UMODL1: variants seen among roughly 807,000 people sequenced by gnomAD.
UMODL1 encodes the protein uromodulin like 1.
A neutral mutation model predicts 136.3 loss-of-function variants in UMODL1; 128 were observed. The observed-to-expected ratio is 0.94, with a 90% CI of 0.81 to 1.09. UMODL1 has a LOEUF of 1.09. Ranked by LOEUF, UMODL1 falls within the 50% of genes least tolerant of loss-of-function variation. The pLI, the probability that UMODL1 is intolerant of heterozygous loss-of-function variation, is 0.00. For missense variants in UMODL1, 1,766 were observed against 1,725.6 expected, an observed-to-expected ratio of 1.02 and a Z score of -0.41; for synonymous variants, 721 against 720.0, an observed-to-expected ratio of 1.00 and a Z score of -0.02.
At chr21:42,078,197 G>C (rs113980983) in intron 2 of UMODL1, among the ~76,000 whole-genome samples, 16 of 107,944 alleles carry the variant, frequency 1.5e-4, no homozygotes, top group East Asian at 7.6e-4. Flanking sequence ...GAAACCAGGC[G>C]GGGCCAGCTG....
At chr21:42,072,176 C>T (rs963040854) in intron 1 of UMODL1, among the ~76,000 whole-genome samples, 2 of 152,242 alleles carry the variant, frequency 1.3e-5, no homozygotes, top group South Asian at 2.1e-4. Context: ...CCAGAGGCTG[C>T]ACCAGGGCTC....
intron 15 of UMODL1, 131 bp from the exon 16 acceptor site, chr21:42,120,956 G>A (rs532915123): frequency 8.4e-7 from 1 of 1,192,430 alleles, no homozygotes; most frequent in South Asian, 1.5e-5. Context: ...GAACTGGTGA[G>A]CTTGACTGCA....
intron 22 of UMODL1, among the ~76,000 whole-genome samples, chr21:42,138,821 C>T (rs956370621): frequency 1.3e-5 from 2 of 152,154 alleles, no homozygotes; most frequent in East Asian, 3.9e-4. Context: ...GTGATCCACC[C>T]GTCTCGGCCT....
intron 13 of UMODL1, 97 bp downstream of exon 13, chr21:42,113,927 C>T (rs1211103725): frequency 6.8e-7 from 1 of 1,462,598 alleles, no homozygotes; most frequent in Non-Finnish European, 9.2e-7. Context: ...TGTTTATGGG[C>T]TGCTAGGTGT....
chr21:42,134,190 A>G (rs746256557), intron 21 of UMODL1, among the ~76,000 whole-genome samples: 3 of 152,236 alleles, frequency 2.0e-5, no homozygotes, highest in Non-Finnish European at 4.4e-5. Context: ...AAGTGTCAAC[A>G]TATCTGTTTT....
At chr21:42,063,064 C>T (rs901978450) in exon 1 of UMODL1, 2 of 152,272 alleles carry the variant, frequency 1.3e-5, no homozygotes, top group African/African-American at 2.4e-5. Flanking sequence ...ATGGATCACT[C>T]CAATCTCCAT....
At chr21:42,111,957 A>G (rs2066837808) in intron 12 of UMODL1, among the ~76,000 whole-genome samples, 1 of 152,126 alleles carries the variant, frequency 6.6e-6, no homozygotes, top group Non-Finnish European at 1.5e-5. Flanking sequence ...CCCTGTCTGC[A>G]GCAGCTGGGG....
Position 42,076,012 on chromosome 21 carries a change from C to T in UMODL1, c.84C>T (p.Gly28=), listed in dbSNP as rs1309408094. 1 of 1,613,606 alleles carries T rather than the reference C, an allele frequency of 6.2e-7. No individual in the cohort carries two copies. The highest frequency in any genetic ancestry group is 1.1e-5 in the South Asian group (1 of 91,082). ...PSQASGFTEK[G]LSLLGYQLCS... ...TTGCTTGGCCTCTTTCAGAAAAAGG[C>T]CTCTCCCTGTTGGGCTACCAGCTAT... Residue 28 remains glycine (G), a synonymous_variant, in exon 2 of 23, where the codon GGC becomes GGT. Transcript: ENST00000408910.
intron 2 of UMODL1, among the ~76,000 whole-genome samples, chr21:42,081,209 C>A (rs1434346972): frequency 6.6e-6 from 1 of 152,158 alleles, no homozygotes; most frequent in Non-Finnish European, 1.5e-5. Flanking sequence ...TGACCAGGGG[C>A]CCTTTGGTGA....
intron 9 of UMODL1, among the ~76,000 whole-genome samples, chr21:42,107,864 GC>G (rs1208525925): frequency 6.6e-6 from 1 of 152,200 alleles, no homozygotes; most frequent in Non-Finnish European, 1.5e-5. Flanking sequence ...TGAAGCAGCT[GC>G]CCCCATTGCT....
At position 42,123,772 on chromosome 21, in the gene UMODL1, C is replaced by T. The variant is rs991182427; in HGVS notation, c.3147+622C>T. On this transcript the variant is annotated intron_variant, in intron 17 of 22. Coordinates refer to ENST00000408910, the MANE Select transcript of UMODL1 (RefSeq NM_001004416.3). This position sits in a 1 kb window ranked among gnomAD's most constrained non-coding sequence, Gnocchi z 4.4. ...TGCGTGAGTTGAGCATGTGTGGATGCGTTTGTCCATGTGTGAGTGTGTATG... is the reference window on the plus strand; with the variant it reads ...TGCGTGAGTTGAGCATGTGTGGATGTGTTTGTCCATGTGTGAGTGTGTATG... Among the ~76,000 whole-genome samples the T allele has an allele frequency of 2.6e-5, 4 of 151,886 alleles. No homozygotes were observed. Among genetic ancestry groups the T allele is most frequent in the African/African-American group, 4.8e-5 (2 of 41,286 alleles).
chr21:42,130,381 A>G (rs1377400181), intron 21 of UMODL1, among the ~76,000 whole-genome samples: 1 of 152,164 alleles, frequency 6.6e-6, no homozygotes, highest in Non-Finnish European at 1.5e-5. Flanking sequence ...CCCCACATCA[A>G]CTTTCCAGAA....
intron 2 of UMODL1, 107 bp from the exon 3 acceptor site, chr21:42,083,977 C>G: frequency 1.4e-6 from 2 of 1,397,826 alleles, no homozygotes; most frequent in East Asian, 4.6e-5. Context: ...AGGCCACAGA[C>G]CTACAGGCAG....
At position 42,094,219 on chromosome 21, in the gene UMODL1, C is replaced by T. The variant is rs1346056230; in HGVS notation, c.931+3781C>T. Reference sequence around the variant, plus strand: ...GGGAGGCTGCGCGGCCCCAGCTTCACTTCTAATAGGGCAGGACACACTAAT... The same window carrying T: ...GGGAGGCTGCGCGGCCCCAGCTTCATTTCTAATAGGGCAGGACACACTAAT... On this transcript the variant is annotated intron_variant, in intron 6 of 22. Coordinates refer to ENST00000408910, the MANE Select transcript of UMODL1 (RefSeq NM_001004416.3). 1.3e-5 allele frequency among the ~76,000 whole-genome samples: 2 copies of T among 152,230 alleles called. 1 individual carries two copies. Among genetic ancestry groups the T allele is most frequent in the Non-Finnish European group, 2.9e-5 (2 of 68,038 alleles).
At chr21:42,075,861 G>A (rs116951179) in intron 1 of UMODL1, 144 bp from the exon 2 acceptor site, 40,343 of 1,195,904 alleles carry the variant, frequency 0.034, 843 homozygotes, top group Middle Eastern at 0.062. Context: ...CAGTGGAGAG[G>A]GCTGGTGGGC....
chr21:42,084,259 G>C lies in UMODL1; in HGVS notation c.481+14G>C. On this transcript the variant is annotated intron_variant, in intron 3 of 22. Transcript: ENST00000408910. Reference sequence around the variant, plus strand: ...CTGCACCCCAAGGTAGGCTGCTGCGGGCCATGCTTATGGACAGGCAGCAAA... The same window carrying C: ...CTGCACCCCAAGGTAGGCTGCTGCGCGCCATGCTTATGGACAGGCAGCAAA... The C allele has an allele frequency of 1.9e-6, 3 of 1,612,560 alleles. No individual in the cohort carries two copies. Among genetic ancestry groups the C allele is most frequent in the Non-Finnish European group, 2.5e-6 (3 of 1,179,658 alleles).
In UMODL1 at chr21:42,111,018, C is replaced by G. The variant is rs763508006; in HGVS notation, c.1796C>G (p.Pro599Arg). 1.8e-5 allele frequency: 29 copies of G among 1,612,706 alleles called. No individual in the cohort carries two copies. Among genetic ancestry groups the G allele is most frequent in the Non-Finnish European group, 2.4e-5 (28 of 1,179,640 alleles). ...AGTCCTGGGTACCCTCAGGGCACCC[C>G]GGCAGCAGGCCAGGCCTGGACCCCA... ...SPSPGYPQGT[P>R]AAGQAWTPEP... is the part of the protein sequence containing the mutation. Residue 599 changes from proline (P) to arginine (R), a missense_variant, in exon 11 of 23, where the codon CCG (proline) becomes CGG (arginine). Pro to Arg is a moderately radical substitution (Grantham distance 103). Coordinates refer to ENST00000408910, the MANE Select transcript of UMODL1 (RefSeq NM_001004416.3).
chr21:42,102,310 T>C (rs1201069920), intron 8 of UMODL1, 32 bp downstream of exon 8: 1 of 1,514,058 alleles, frequency 6.6e-7, no homozygotes, highest in Non-Finnish European at 9.1e-7. Flanking sequence ...AAATCTTTTC[T>C]TGGGTGTTCT....
At chr21:42,095,089 G>GTTTTTCTTTTTTTTTTTT (rs2066539396) in intron 6 of UMODL1, among the ~76,000 whole-genome samples, 1 of 61,186 alleles carries the variant, frequency 1.6e-5, no homozygotes, top group East Asian at 5.5e-4. Context: ...TTCTTCTGCT[G>GTTTTTCTTTTTTTTTTTT]TTTTTTTTTT....
Sources: allele counts gnomAD v4.1 joint callset (sites outside exome capture counted in the v4.1 genomes callset), GRCh38; gene constraint gnomAD v4.1.1; non-coding constraint Gnocchi (gnomAD v3.1); transcripts MANE v1.5; gene names NCBI Gene and HGNC (gene_info 2026-07-23, HGNC 2026-07-21).